REDIC1: variants seen among roughly 807,000 people sequenced by gnomAD.
The protein encoded by REDIC1 is regulator of DNA class I crossover intermediates 1.
chr12:39,881,638 G>A, the REDIC1 span, among the ~76,000 whole-genome samples: 7 of 152,024 alleles, frequency 4.6e-5, no homozygotes, highest in African/African-American at 9.7e-5. Flanking sequence ...CATCTCAGCC[G>A]TCCCATACTC....
chr12:39,654,855 G>C, the REDIC1 span, among the ~76,000 whole-genome samples: 1 of 152,148 alleles, frequency 6.6e-6, no homozygotes, highest in African/African-American at 2.4e-5. Flanking sequence ...ACCAGTGAAG[G>C]CATCTGCACA....
At chr12:39,884,628 G>T in the REDIC1 span, among the ~76,000 whole-genome samples, 1 of 152,160 alleles carries the variant, frequency 6.6e-6, no homozygotes, top group African/African-American at 2.4e-5. Flanking sequence ...TTCAGGGAGG[G>T]TGGGAGCCCA....
At chr12:39,669,432 A>G in the REDIC1 span, among the ~76,000 whole-genome samples, 323 of 152,210 alleles carry the variant, frequency 2.1e-3, 1 homozygote, top group Admixed American at 5.4e-3. Context: ...TCAGAGGAGT[A>G]CCCGGCCCTG....
chr12:39,658,013 C>G, the REDIC1 span, among the ~76,000 whole-genome samples: 1 of 151,876 alleles, frequency 6.6e-6, no homozygotes, highest in Non-Finnish European at 1.5e-5. Flanking sequence ...TATAAATTCT[C>G]TACTAACTGC....
the REDIC1 span, chr12:39,626,427 C>T: frequency 3.1e-5 from 49 of 1,593,950 alleles, no homozygotes; most frequent in South Asian, 8.9e-5. Flanking sequence ...TAGTTCCTGG[C>T]GGAGAGGTCA....
chr12:39,786,403 GA>G, the REDIC1 span, among the ~76,000 whole-genome samples: 1 of 1,340 alleles, frequency 7.5e-4, no homozygotes, highest in Non-Finnish European at 1.9e-3. Context: ...CAGCCATGTG[GA>G]ACTGTGAGTC....
chr12:39,770,653 A>G, the REDIC1 span, among the ~76,000 whole-genome samples: 148,036 of 152,240 alleles, frequency 0.97, 71,974 homozygotes, highest in East Asian at 1. Flanking sequence ...TGCACACTCA[A>G]TGCTTAGCAT....
chr12:39,745,687 A>G, the REDIC1 span, among the ~76,000 whole-genome samples: 1 of 152,234 alleles, frequency 6.6e-6, no homozygotes, highest in Non-Finnish European at 1.5e-5. Flanking sequence ...ATAAGAAACT[A>G]TCTAAATGTA....
chr12:39,760,000 T>G, the REDIC1 span: 1 of 1,580,638 alleles, frequency 6.3e-7, no homozygotes, highest in Non-Finnish European at 8.7e-7. Context: ...TTTGTTTAAA[T>G]AACTAAATAT....
chr12:39,702,499 A>G, the REDIC1 span, among the ~76,000 whole-genome samples: 1 of 152,202 alleles, frequency 6.6e-6, no homozygotes, highest in Non-Finnish European at 1.5e-5. Context: ...GAATTCTACC[A>G]GAGGTACAAG....
chr12:39,814,819 G>T, the REDIC1 span, among the ~76,000 whole-genome samples: 3 of 151,854 alleles, frequency 2.0e-5, no homozygotes, highest in Non-Finnish European at 2.9e-5. Context: ...TTATGCATAT[G>T]TCACAATATG....
the REDIC1 span, among the ~76,000 whole-genome samples, chr12:39,711,646 C>A: frequency 1.4e-5 from 2 of 138,804 alleles, no homozygotes; most frequent in African/African-American, 5.3e-5. Flanking sequence ...TATGTGTATA[C>A]ACATGTATGT....
At chr12:39,889,275 T>G in the REDIC1 span, among the ~76,000 whole-genome samples, 1 of 152,104 alleles carries the variant, frequency 6.6e-6, no homozygotes, top group Non-Finnish European at 1.5e-5. Flanking sequence ...TAACATTTGT[T>G]GATAGTTTTT....
chr12:39,640,615 CAG>C, the REDIC1 span, among the ~76,000 whole-genome samples: 55 of 151,930 alleles, frequency 3.6e-4, no homozygotes, highest in Non-Finnish European at 7.4e-4. Context: ...AGAATGTTGA[CAG>C]AGAATATTGC....
the REDIC1 span, chr12:39,683,597 C>A: frequency 1.3e-6 from 1 of 775,058 alleles, no homozygotes; most frequent in South Asian, 1.7e-5. Flanking sequence ...GGTGGGCAGG[C>A]AACCTGGTCT....
the REDIC1 span, among the ~76,000 whole-genome samples, chr12:39,792,891 T>C: frequency 6.6e-6 from 1 of 152,120 alleles, no homozygotes; most frequent in Non-Finnish European, 1.5e-5. Flanking sequence ...TCTATCAATG[T>C]GGGGCTTCTC....
the REDIC1 span, among the ~76,000 whole-genome samples, chr12:39,887,494 G>T: frequency 1.3e-5 from 2 of 152,084 alleles, no homozygotes; most frequent in African/African-American, 4.8e-5. Flanking sequence ...TCACAACAGG[G>T]ATAGAAAAAA....
chr12:39,720,710 A>G, the REDIC1 span: 2 of 1,096,582 alleles, frequency 1.8e-6, no homozygotes, highest in African/African-American at 1.6e-5. Flanking sequence ...GATTTTAAGA[A>G]TATATTCTTT....
the REDIC1 span, among the ~76,000 whole-genome samples, chr12:39,673,543 A>G: frequency 6.6e-6 from 1 of 152,206 alleles, no homozygotes; most frequent in South Asian, 2.1e-4. Context: ...GCCCTAGGTC[A>G]TAAGTTTTCT....
Sources: allele counts gnomAD v4.1 joint callset (sites outside exome capture counted in the v4.1 genomes callset), GRCh38; gene constraint gnomAD v4.1.1; transcripts MANE v1.5; gene names NCBI Gene and HGNC (gene_info 2026-07-23, HGNC 2026-07-21).